The following KCND3 variants were observed in gnomAD, a reference collection of about 807,000 sequenced individuals.
KCND3 encodes potassium voltage-gated channel subfamily D member 3.
A neutral mutation model predicts 51.1 loss-of-function variants in KCND3; 9 were observed. That is an observed-to-expected ratio of 0.18 (90% CI 0.11 to 0.31). The LOEUF (loss-of-function observed/expected upper bound fraction) is 0.31, where lower values mean the gene tolerates loss of function less well. Ranked by LOEUF, KCND3 falls within the 10% of genes least tolerant of loss-of-function variation. The pLI is 1.00. For missense variants in KCND3, 526 were observed against 903.8 expected (o/e 0.58, Z 5.36); for synonymous variants, 349 against 368.0 (o/e 0.95, Z 0.59).
intron 2 of KCND3, among the ~76,000 whole-genome samples, chr1:111,838,651 C>T (rs1318044601): frequency 5.3e-5 from 8 of 151,726 alleles, no homozygotes; most frequent in East Asian, 1.9e-4. Flanking sequence ...AGCGAGAGTC[C>T]GTCTCAAAAA....
At chr1:111,957,480 C>T (rs920571044) in intron 2 of KCND3, among the ~76,000 whole-genome samples, 1 of 152,152 alleles carries the variant, frequency 6.6e-6, no homozygotes, top group African/African-American at 2.4e-5. Flanking sequence ...CTTAGTTTTC[C>T]TCATCTGTCA....
chr1:111,850,582 A>G (rs1432383524), intron 2 of KCND3, among the ~76,000 whole-genome samples: 1 of 152,226 alleles, frequency 6.6e-6, no homozygotes, highest in Non-Finnish European at 1.5e-5. Context: ...GGGCGCACTG[A>G]ACTGGAACCT....
intron 2 of KCND3, among the ~76,000 whole-genome samples, chr1:111,875,655 G>A (rs1669015863): frequency 6.6e-6 from 1 of 152,212 alleles, no homozygotes; most frequent in Non-Finnish European, 1.5e-5. Flanking sequence ...CTGGCACAGG[G>A]GAGAATTAAT....
intron 2 of KCND3, among the ~76,000 whole-genome samples, chr1:111,937,255 C>A (rs148425002): frequency 6.6e-6 from 1 of 152,202 alleles, no homozygotes; most frequent in Non-Finnish European, 1.5e-5. Context: ...GAGCTGGAGT[C>A]TGAGTTCCCA....
intron 2 of KCND3, among the ~76,000 whole-genome samples, chr1:111,863,832 A>G (rs1668438536): frequency 6.6e-6 from 1 of 152,204 alleles, no homozygotes; most frequent in South Asian, 2.1e-4. Flanking sequence ...CAGCTGAAAG[A>G]CAACTGAGTA....
At chr1:111,816,586 T>G (rs77020185) in intron 2 of KCND3, among the ~76,000 whole-genome samples, 1 of 152,144 alleles carries the variant, frequency 6.6e-6, no homozygotes, top group African/African-American at 2.4e-5. Context: ...CTGGGAAAGA[T>G]GGGGGAATTC....
chr1:111,892,208 C>G (rs1357719992), intron 2 of KCND3, among the ~76,000 whole-genome samples: 1 of 152,130 alleles, frequency 6.6e-6, no homozygotes, highest in Non-Finnish European at 1.5e-5. Flanking sequence ...CAGGCTGAGG[C>G]CTGGCGGGGA....
intron 2 of KCND3, among the ~76,000 whole-genome samples, chr1:111,920,374 C>T (rs1041014230): frequency 1.3e-5 from 2 of 152,240 alleles, no homozygotes; most frequent in African/African-American, 4.8e-5. Context: ...ACTGAAGAAA[C>T]ACAGTCAACA....
At chr1:111,919,361 G>A (rs575617773) in intron 2 of KCND3, among the ~76,000 whole-genome samples, 1 of 152,066 alleles carries the variant, frequency 6.6e-6, no homozygotes, top group South Asian at 2.1e-4. Context: ...CTAGGTATGG[G>A]GTTCAGGGAA....
intron 2 of KCND3, among the ~76,000 whole-genome samples, chr1:111,800,351 G>C (rs1371977748): frequency 1.4e-4 from 13 of 90,476 alleles, no homozygotes; most frequent in Non-Finnish European, 6.6e-5. Flanking sequence ...CAGCATGCTC[G>C]TTAAGAGTCA....
intron 2 of KCND3, among the ~76,000 whole-genome samples, chr1:111,884,495 A>G (rs1178895352): frequency 1.3e-5 from 2 of 152,126 alleles, no homozygotes; most frequent in Non-Finnish European, 2.9e-5. Flanking sequence ...GAGGAGCCAG[A>G]CCCGAAGTCA....
At chr1:111,858,470 A>T (rs1331725105) in intron 2 of KCND3, among the ~76,000 whole-genome samples, 1 of 152,198 alleles carries the variant, frequency 6.6e-6, no homozygotes, top group African/African-American at 2.4e-5. Flanking sequence ...ATTTCTCCAT[A>T]AAAACTTTTT....
chr1:111,784,488 A>C (rs1044207107), intron 3 of KCND3, among the ~76,000 whole-genome samples: 1 of 152,248 alleles, frequency 6.6e-6, no homozygotes, highest in African/African-American at 2.4e-5. Flanking sequence ...GGCAAATAGT[A>C]ATAGACTAAT....
At chr1:111,785,962 C>T (rs187090754) in intron 3 of KCND3, among the ~76,000 whole-genome samples, 162 of 152,316 alleles carry the variant, frequency 1.1e-3, no homozygotes, top group African/African-American at 3.7e-3. Flanking sequence ...CCCAAGCCTC[C>T]AAAAGCCAGT....
intron 2 of KCND3, among the ~76,000 whole-genome samples, chr1:111,809,631 G>C (rs1396035178): frequency 6.6e-6 from 1 of 151,688 alleles, no homozygotes; most frequent in Non-Finnish European, 1.5e-5. Context: ...TCTAGACTTG[G>C]AAAAATTGTC....
At chr1:111,939,300 T>C (rs1346053764) in intron 2 of KCND3, among the ~76,000 whole-genome samples, 2 of 152,194 alleles carry the variant, frequency 1.3e-5, no homozygotes, top group African/African-American at 2.4e-5. Context: ...TACATAGGTA[T>C]ACACATGTCA....
chr1:111,924,907 T>G (rs1315670276), intron 2 of KCND3, among the ~76,000 whole-genome samples: 1 of 152,258 alleles, frequency 6.6e-6, no homozygotes, highest in Non-Finnish European at 1.5e-5. Context: ...ATCCACTCTG[T>G]AAGTGAACAC....
At chr1:111,860,140 C>T (rs890953612) in intron 2 of KCND3, among the ~76,000 whole-genome samples, 8 of 152,312 alleles carry the variant, frequency 5.3e-5, no homozygotes, top group East Asian at 1.9e-4. Flanking sequence ...TCAAAATATT[C>T]GGTAGATAAA....
At chr1:111,940,862 C>T (rs1672482401) in intron 2 of KCND3, among the ~76,000 whole-genome samples, 1 of 152,178 alleles carries the variant, frequency 6.6e-6, no homozygotes, top group South Asian at 2.1e-4. Context: ...ACCCCACATA[C>T]ACACCCTGGT....
Sources: gnomAD v4.1 joint callset for allele counts (sites outside exome capture counted in the v4.1 genomes callset) on GRCh38, gnomAD v4.1.1 for gene constraint, MANE v1.5 for transcripts, NCBI Gene and HGNC (gene_info 2026-07-23, HGNC 2026-07-21) for gene names.